Variants in CTBP2 observed in about 807,000 individuals in gnomAD.
CTBP2 encodes the protein C-terminal binding protein 2, also known as C-terminal-binding protein 2.
A neutral mutation model predicts 80.3 loss-of-function variants in CTBP2; 30 were observed. The ratio of observed to expected loss-of-function variants is 0.37; its 90% CI spans 0.28 to 0.51. The LOEUF (loss-of-function observed/expected upper bound fraction) is 0.51. CTBP2 is among the 20% of genes least tolerant of loss of function. CTBP2 has a pLI of 0.93. For synonymous variants in CTBP2, 594 were observed against 587.4 expected (o/e 1.01, Z -0.16); for missense variants, 1,212 against 1,375.3 (o/e 0.88, Z 1.88).
chr10:125,012,141 G>T (rs1268903779), intron 1 of CTBP2, among the ~76,000 whole-genome samples: 1 of 152,258 alleles, frequency 6.6e-6, no homozygotes, highest in Non-Finnish European at 1.5e-5. Flanking sequence ...GTGAGGCTCT[G>T]CTTCTATTTC....
At chr10:125,056,185 T>A (rs1426734865) in intron 2 of CTBP2, among the ~76,000 whole-genome samples, 13 of 147,520 alleles carry the variant, frequency 8.8e-5, no homozygotes, top group African/African-American at 3.3e-4. Context: ...ATAATAATAA[T>A]AATAATAATA....
chr10:125,044,465 GCCAC>G (rs1325633221), intron 2 of CTBP2, among the ~76,000 whole-genome samples: 13 of 152,168 alleles, frequency 8.5e-5, no homozygotes, highest in African/African-American at 3.1e-4. Context: ...ATGTGCTCAG[GCCAC>G]CTCAAAAGAG....
chr10:125,031,645 T>C (rs564006378), upstream of CTBP2, among the ~76,000 whole-genome samples: 1 of 152,148 alleles, frequency 6.6e-6, no homozygotes, highest in African/African-American at 2.4e-5. Flanking sequence ...ACACAAAGTC[T>C]GGCTGGGTTT....
At chr10:125,094,910 A>T (rs1849325402) in intron 2 of CTBP2, among the ~76,000 whole-genome samples, 2 of 151,936 alleles carry the variant, frequency 1.3e-5, no homozygotes, top group South Asian at 4.2e-4. Flanking sequence ...ATACGCTGAA[A>T]GGGACAAGTA....
intron 8 of CTBP2, 47 bp from the exon 11 acceptor site, chr10:124,989,745 G>A: frequency 6.7e-7 from 1 of 1,500,694 alleles, no homozygotes; most frequent in Non-Finnish European, 8.9e-7. Context: ...GGGCAGAGTT[G>A]CCAAGCTCTT....
intron 1 of CTBP2, among the ~76,000 whole-genome samples, chr10:125,146,002 C>A (rs1300079919): frequency 1.3e-5 from 2 of 152,046 alleles, no homozygotes; most frequent in Admixed American, 6.6e-5. Context: ...CGACTCACTG[C>A]AACCTCTGCC....
intron 1 of CTBP2, among the ~76,000 whole-genome samples, chr10:125,013,730 G>A (rs1956176031): frequency 6.6e-6 from 1 of 152,152 alleles, no homozygotes; most frequent in Admixed American, 6.5e-5. Flanking sequence ...GTAAGTGATG[G>A]AGTCAGGACT....
At chr10:125,087,230 C>T (rs1431567347) in intron 2 of CTBP2, among the ~76,000 whole-genome samples, 1 of 151,780 alleles carries the variant, frequency 6.6e-6, no homozygotes, top group East Asian at 1.9e-4. Context: ...TGCCACCATG[C>T]CCGGTTAATT....
chr10:125,135,721 C>T (rs1301615292), intron 1 of CTBP2, among the ~76,000 whole-genome samples: 1 of 152,166 alleles, frequency 6.6e-6, no homozygotes, highest in African/African-American at 2.4e-5. Context: ...ATGACCCTCA[C>T]CTGCCGATGG....
At chr10:125,064,634 T>C (rs1318698400) in intron 2 of CTBP2, among the ~76,000 whole-genome samples, 1 of 152,250 alleles carries the variant, frequency 6.6e-6, no homozygotes, top group East Asian at 1.9e-4. Flanking sequence ...AGAATCATGT[T>C]CTTCAGGACA....
At chr10:125,143,255 A>G (rs2008596) in intron 1 of CTBP2, among the ~76,000 whole-genome samples, 25,036 of 152,162 alleles carry the variant, frequency 0.16, 2,411 homozygotes, top group South Asian at 0.22. Flanking sequence ...TGGGAGGCTG[A>G]GGCAGGCCGA....
chr10:125,045,519 T>TTC lies in CTBP2; in HGVS notation c.-101-6366_-101-6365dup, dbSNP rs559417093. 1.1e-4 allele frequency among the ~76,000 whole-genome samples: 16 copies of TTC among 151,854 alleles called. No individual in the cohort carries two copies. The East Asian group carries it at 2.9e-3, about 28-fold the overall frequency. On this transcript the variant is annotated intron_variant, in intron 2 of 10. Transcript: ENST00000337195. ...CCCTAAAGGTAACTAGCAGGACCCTTTCTTTCTTTTTTGGAGACAGATTCT... is the reference window on the plus strand; with the variant it reads ...CCCTAAAGGTAACTAGCAGGACCCTTTCTCTTTCTTTTTTGGAGACAGATTCT...
intron 2 of CTBP2, among the ~76,000 whole-genome samples, chr10:125,054,512 G>A (rs1044478108): frequency 1.3e-5 from 2 of 152,204 alleles, no homozygotes; most frequent in African/African-American, 2.4e-5. Flanking sequence ...CATCCTGAAT[G>A]CAACATTGTC....
chr10:125,084,201 T>C (rs891703027), intron 2 of CTBP2, among the ~76,000 whole-genome samples: 2 of 152,104 alleles, frequency 1.3e-5, no homozygotes, highest in African/African-American at 4.8e-5. Context: ...GCAATCCTCC[T>C]GCCTTGGCCT....
chr10:125,077,452 A>G (rs574632824), intron 2 of CTBP2, among the ~76,000 whole-genome samples: 1 of 152,166 alleles, frequency 6.6e-6, no homozygotes, highest in South Asian at 2.1e-4. Context: ...AGGACTGGAG[A>G]CGGGGAAGGA....
Position 125,066,016 on chromosome 10 carries a change from G to A in CTBP2, c.-101-26861C>T, listed in dbSNP as rs1274038436. Among the ~76,000 whole-genome samples the A allele has an allele frequency of 1.3e-5, 2 of 151,194 alleles. No individual in the cohort carries two copies. The highest frequency in any genetic ancestry group is 2.9e-5 in the Non-Finnish European group (2 of 67,972). ...CCCAGGTGGCTGAGGTGGGAGGATC[G>A]CTTGAGCCCAGAAGGCAGAGGTTAC... is the stretch of plus-strand genomic sequence containing the variant. On this transcript the variant is annotated intron_variant, in intron 2 of 10. Coordinates refer to the CTBP2 transcript ENST00000337195. This position sits in a 1 kb window ranked among gnomAD's most constrained non-coding sequence, Gnocchi z 4.1.
chr10:125,002,197 C>T (rs1954617712), intron 3 of CTBP2, among the ~76,000 whole-genome samples: 1 of 152,162 alleles, frequency 6.6e-6, no homozygotes, highest in African/African-American at 2.4e-5. Context: ...GCAGGGGTGG[C>T]GTGTTCCAAA....
At chr10:124,990,993 T>C (rs1485359103) in intron 8 of CTBP2, among the ~76,000 whole-genome samples, 2 of 152,246 alleles carry the variant, frequency 1.3e-5, no homozygotes, top group African/African-American at 4.8e-5. Context: ...CACTAAGCTT[T>C]CTAGGCTGGT....
At chr10:125,161,361 C>G (rs993060563), upstream of CTBP2, among the ~76,000 whole-genome samples, 1 of 151,990 alleles carries the variant, frequency 6.6e-6, no homozygotes, top group Non-Finnish European at 1.5e-5. Context: ...GGCCCTTCAT[C>G]CTCCTCCGCC....
Sources: allele counts gnomAD v4.1 joint callset (sites outside exome capture counted in the v4.1 genomes callset), GRCh38; gene constraint gnomAD v4.1.1; non-coding constraint Gnocchi (gnomAD v3.1); transcripts MANE v1.5; gene names NCBI Gene and HGNC (gene_info 2026-07-23, HGNC 2026-07-21).